ABCB5: variants seen among roughly 807,000 people sequenced by gnomAD.
ABCB5 encodes ATP-binding cassette sub-family B member 5.
ABCB5 carries 155 observed loss-of-function variants against 144.2 expected under a neutral mutation model. The ratio of observed to expected loss-of-function variants is 1.08; its 90% CI spans 0.94 to 1.23. The LOEUF is 1.23. ABCB5 is among the 50% of genes most tolerant of loss of function. ABCB5 has a pLI of 0.00. For missense variants in ABCB5, 1,830 were observed against 1,520.8 expected (o/e 1.20, Z -3.38); for synonymous variants, 610 against 528.6 (o/e 1.15, Z -2.11).
intron 14 of ABCB5, chr7:20,658,919 C>G: frequency 1.0e-6 from 1 of 962,912 alleles, no homozygotes; most frequent in Non-Finnish European, 1.6e-6. Flanking sequence ...AGCAATCATC[C>G]AGTCTATACC....
rs3033674 is a variant in ABCB5 at position 20,750,383 on chromosome 7, T to TACACACACACAC, written c.3430-2951_3430-2940dup. ...TGATGAGAGTCCAAAGGCTTCCCCC[T>TACACACACACAC]ACACACACACACACACACACACACA... On this transcript the variant is annotated intron_variant, in intron 26 of 27. Transcript: ENST00000404938. 1.2e-3 allele frequency among the ~76,000 whole-genome samples: 165 copies of TACACACACACAC among 141,088 alleles called. 1 individual carries two copies. Among genetic ancestry groups the TACACACACACAC allele is most frequent in the African/African-American group, 4.1e-3 (158 of 38,256 alleles). 92.6% of individuals were successfully genotyped at this position (141,088 alleles called of 152,430 possible).
In ABCB5 at chr7:20,742,955, G is replaced by C; in HGVS notation, c.3103G>C (p.Gly1035Arg). 3 of 1,614,090 alleles carry C rather than the reference G, an allele frequency of 1.9e-6. No individual in the cohort carries two copies. In the East Asian group the frequency reaches 6.7e-5, roughly 36 times the overall value. ...TCGCCCAGATGTTTTCATCCTCCGT[G>C]GCTTATCCCTCAGTATTGAGCGAGG... ...PCRPDVFILR[G>R]LSLSIERGKT... The change falls in exon 25 of 28, where the codon GGC becomes CGC. Residue 1035 changes from glycine to arginine, a missense_variant. Physicochemically the swap from Gly to Arg is moderately radical, Grantham distance 125. Coordinates refer to ENST00000404938, the MANE Select transcript of ABCB5 (RefSeq NM_001163941.2).
At chr7:20,699,211 C>T (rs573731382) in intron 17 of ABCB5, among the ~76,000 whole-genome samples, 1 of 152,226 alleles carries the variant, frequency 6.6e-6, no homozygotes, top group Admixed American at 6.5e-5. Flanking sequence ...AATAATAATT[C>T]AAGCAAACTG....
At chr7:20,682,712 C>T (rs1785869336) in intron 15 of ABCB5, among the ~76,000 whole-genome samples, 1 of 152,162 alleles carries the variant, frequency 6.6e-6, no homozygotes, top group Non-Finnish European at 1.5e-5. Flanking sequence ...ACTCAATAAA[C>T]ACTTGCTGAA....
chr7:20,700,084 A>G lies in ABCB5; in HGVS notation c.2286A>G (p.Glu762=). The change falls in exon 19 of 28, where the codon GAA becomes GAG. Residue 762 remains glutamate (E), a synonymous_variant. Coordinates refer to ENST00000404938, the MANE Select transcript of ABCB5 (RefSeq NM_001163941.2). ...GATTATTTTACGGCAGAGCAGGGGA[A>G]ATTTTAACGATGAGATTAAGACACT... The part of the protein sequence containing the change: ...MQGLFYGRAG[E]ILTMRLRHLA... 1 of 1,613,846 alleles carries G rather than the reference A, an allele frequency of 6.2e-7. No individual in the cohort carries two copies. The highest frequency in any genetic ancestry group is 1.1e-5 in the South Asian group (1 of 91,052).
intron 11 of ABCB5, among the ~76,000 whole-genome samples, chr7:20,648,957 T>G (rs983244198): frequency 5.9e-5 from 9 of 152,346 alleles, no homozygotes; most frequent in African/African-American, 1.9e-4. Context: ...ATTTTGCAAC[T>G]GTATTTGGAT....
chr7:20,641,641 C>A (rs1313599291), intron 5 of ABCB5: 1 of 153,372 alleles, frequency 6.5e-6, no homozygotes, highest in East Asian at 1.9e-4. Context: ...GATTAGATCC[C>A]CACAGTAGAG....
chr7:20,668,566 C>T lies in ABCB5; in HGVS notation c.1707+9890C>T, dbSNP rs1355235171. 1.5e-3 allele frequency among the ~76,000 whole-genome samples: 223 copies of T among 151,554 alleles called. 1 individual carries two copies. The highest frequency in any genetic ancestry group is 5.2e-3 in the African/African-American group (215 of 41,120). On this transcript the variant is annotated intron_variant, in intron 14 of 27. Coordinates refer to ENST00000404938, the MANE Select transcript of ABCB5 (RefSeq NM_001163941.2). ...GGAAATGAGGAGCGTCTCCGCCCGG[C>T]AGCCACCCCGTCCGGGAGGGAGGTG...
In ABCB5 at chr7:20,649,914, T is replaced by C. The variant is rs966328103; in HGVS notation, c.1207-108T>C. 5.5e-6 allele frequency: 7 copies of C among 1,263,500 alleles called. No homozygotes were observed. The African/African-American group carries it at 1.1e-4, about 19-fold the overall frequency. The allele number at this position is 1,263,500 out of a possible 1,614,324, so 78.3% of individuals were successfully genotyped here. A position where few individuals can be genotyped will look rare whatever the true frequency, so the allele number is the denominator to read the frequency against. On this transcript the variant is annotated intron_variant, in intron 11 of 27. Transcript: ENST00000404938. ...ACAAACATAACAAGATCTAAATTTGTTTTTAGAAGAATTTGTTTTTGGTTA... is the reference window on the plus strand; with the variant it reads ...ACAAACATAACAAGATCTAAATTTGCTTTTAGAAGAATTTGTTTTTGGTTA...
rs71020669 is a variant in ABCB5 at position 20,704,075 on chromosome 7, C to CTTTTTT, written c.2338-638_2338-633dup. On this transcript the variant is annotated intron_variant, in intron 19 of 27. Transcript: ENST00000404938. The stretch of plus-strand genomic sequence containing the variant: ...CTAAATTGTGTTGTTTATTGCCTTC[C>CTTTTTT]TTTTTTTTTTTTTTTTGTGAGACAG... 2.0e-4 allele frequency among the ~76,000 whole-genome samples: 16 copies of CTTTTTT among 80,760 alleles called. 2 individuals are homozygous for CTTTTTT. Among genetic ancestry groups the CTTTTTT allele is most frequent in the Middle Eastern group, 0.011 (1 of 90 alleles). 53.0% of individuals were successfully genotyped at this position (80,760 alleles called of 152,430 possible).
chr7:20,681,058 C>CTT lies in ABCB5; in HGVS notation c.1708-446_1708-445insTT, dbSNP rs1215587418. Reference sequence around the variant, plus strand: ...TCTCTTTCTTTCTTTCTCTCTCTCTCTCTTTCTTTCTTTCTTTCTTTCTTT... The same window carrying CTT: ...TCTCTTTCTTTCTTTCTCTCTCTCTCTTTCTTTCTTTCTTTCTTTCTTTCTTT... On this transcript the variant is annotated intron_variant, in intron 14 of 27. Coordinates refer to ENST00000404938, the MANE Select transcript of ABCB5 (RefSeq NM_001163941.2). 3.6e-3 allele frequency among the ~76,000 whole-genome samples: 172 copies of CTT among 47,490 alleles called. 3 individuals are homozygous for CTT. Among genetic ancestry groups the CTT allele is most frequent in the Non-Finnish European group, 4.6e-3 (129 of 28,140 alleles). The allele number at this position is 47,490 out of a possible 152,430, so 31.2% of individuals were successfully genotyped here.
chr7:20,723,645 G>C (rs967515012), intron 21 of ABCB5, among the ~76,000 whole-genome samples: 5 of 152,222 alleles, frequency 3.3e-5, no homozygotes, highest in Non-Finnish European at 7.3e-5. Flanking sequence ...GTGTCTGGAA[G>C]ACAGTAAGCA....
intron 5 of ABCB5, among the ~76,000 whole-genome samples, chr7:20,641,255 A>T (rs1028727844): frequency 7.9e-5 from 12 of 152,294 alleles, no homozygotes; most frequent in African/African-American, 2.6e-4. Flanking sequence ...CTAAGAAGTT[A>T]TTCTTGATTT....
At position 20,703,670 on chromosome 7, in the gene ABCB5, A is replaced by G. The variant is rs770346660; in HGVS notation, c.2338-1054A>G. ...ACCATCTTTCAGAGACAGTTTCCAC[A>G]TGGTTTTAATCTACAAGAGATACAA... On this transcript the variant is annotated intron_variant, in intron 19 of 27. Transcript: ENST00000404938. Among the ~76,000 whole-genome samples, 93 of 152,120 alleles carry G rather than the reference A, an allele frequency of 6.1e-4. 1 individual carries two copies. The highest frequency in any genetic ancestry group is 7.4e-5 in the Non-Finnish European group (5 of 68,014).
At chr7:20,749,354 G>A (rs564447735) in intron 26 of ABCB5, among the ~76,000 whole-genome samples, 24 of 149,890 alleles carry the variant, frequency 1.6e-4, no homozygotes, top group African/African-American at 4.9e-4. Flanking sequence ...CACCCTCCCC[G>A]GGAGCTGCGA....
intron 14 of ABCB5, among the ~76,000 whole-genome samples, chr7:20,661,989 C>T (rs1043257504): frequency 6.6e-6 from 1 of 152,152 alleles, no homozygotes; most frequent in Non-Finnish European, 1.5e-5. Flanking sequence ...CCTGGTGTGC[C>T]AATGCAGCAG....
intron 1 of ABCB5, among the ~76,000 whole-genome samples, chr7:20,620,040 T>C (rs1237652174): frequency 1.3e-5 from 2 of 152,228 alleles, no homozygotes; most frequent in Non-Finnish European, 1.5e-5. Context: ...GTGTCTCTTT[T>C]TGCACCAATA....
intron 14 of ABCB5, chr7:20,659,270 C>A (rs1177610602): frequency 1.4e-6 from 2 of 1,479,918 alleles, no homozygotes; most frequent in Middle Eastern, 5.1e-4. Context: ...TTGGCAGTGG[C>A]GGTATGAAAA....
intron 20 of ABCB5, among the ~76,000 whole-genome samples, chr7:20,717,973 C>G (rs372715627): frequency 8.2e-6 from 1 of 121,898 alleles, no homozygotes; most frequent in African/African-American, 3.0e-5. Flanking sequence ...GCAATCTCGG[C>G]TCATTGCAAG....
Sources: allele counts gnomAD v4.1 joint callset (sites outside exome capture counted in the v4.1 genomes callset), GRCh38; gene constraint gnomAD v4.1.1; transcripts MANE v1.5; gene names NCBI Gene and HGNC (gene_info 2026-07-23, HGNC 2026-07-21).